RB1CC1: variants seen among roughly 807,000 people sequenced by gnomAD.
RB1CC1 encodes the protein RB1-inducible coiled-coil protein 1.
RB1CC1 carries 46 observed loss-of-function variants against 177.5 expected under a neutral mutation model. That is an observed-to-expected ratio of 0.26 (90% confidence interval 0.20 to 0.33). The LOEUF (loss-of-function observed/expected upper bound fraction) is 0.33, where lower values mean the gene tolerates loss of function less well. Ranked by LOEUF, RB1CC1 falls within the 10% of genes least tolerant of loss-of-function variation. The pLI is 1.00. For missense variants in RB1CC1, 1,703 were observed against 1,816.3 expected (o/e 0.94, Z 1.13); for synonymous variants, 666 against 613.6 (o/e 1.09, Z -1.26).
intron 1 of RB1CC1, among the ~76,000 whole-genome samples, chr8:52,712,568 CAT>C (rs1361971489): frequency 6.9e-6 from 1 of 144,678 alleles, no homozygotes; most frequent in Non-Finnish European, 1.5e-5. Flanking sequence ...CAATAACAAA[CAT>C]ATAAAGGATT....
rs772800210 is a variant in RB1CC1, at chr8:52,657,358, G to C, written c.2471C>G (p.Thr824Arg). ...TIKEDLCHFR[T>R]FVQKEQCDFS... ...GTCACACTGTTCTTTTTGTACAAAT[G>C]TTCTAAAGTGGCAAAGGTCTTCCTT... The change falls in exon 15 of 24, where the codon ACA (threonine) becomes AGA (arginine). Residue 824 changes from threonine to arginine, a missense_variant. Transcript: ENST00000025008. 5.6e-6 allele frequency: 9 copies of C among 1,613,922 alleles called. No individual in the cohort carries two copies. The highest frequency in any genetic ancestry group is 1.7e-4 in the Middle Eastern group (1 of 6,060).
intron 15 of RB1CC1, 36 bp from the exon 16 acceptor site, chr8:52,645,903 A>G (rs765777188): frequency 1.3e-6 from 2 of 1,544,526 alleles, no homozygotes; most frequent in Admixed American, 4.4e-5. Flanking sequence ...TTAAAAAAAA[A>G]ATTACAGACA....
chr8:52,634,971 G>C lies in RB1CC1; in HGVS notation c.4393-3C>G. 1 of 1,606,138 alleles carries C rather than the reference G, an allele frequency of 6.2e-7. No homozygotes were observed. Among genetic ancestry groups the C allele is most frequent in the Non-Finnish European group, 8.5e-7 (1 of 1,175,970 alleles). ...TCTTCTTCTTTCAATTGCAATGTCT[G>C]CAGGTGGAAAAAAGAGACCTGTGGT... is the stretch of plus-strand genomic sequence containing the variant. On this transcript the variant is annotated splice_region_variant and splice_polypyrimidine_tract_variant and intron_variant, in intron 19 of 23. Coordinates refer to ENST00000025008, the MANE Select transcript of RB1CC1 (RefSeq NM_014781.5).
At chr8:52,672,936 T>C (rs1373427709) in intron 7 of RB1CC1, among the ~76,000 whole-genome samples, 1 of 152,196 alleles carries the variant, frequency 6.6e-6, no homozygotes, top group Non-Finnish European at 1.5e-5. Flanking sequence ...AAACATGTCT[T>C]AATTGAAAGA....
chr8:52,661,789 G>C, intron 8 of RB1CC1, 70 bp from the exon 9 acceptor site: 1 of 1,201,722 alleles, frequency 8.3e-7, no homozygotes, highest in Non-Finnish European at 1.1e-6. Flanking sequence ...TCAGTTAAGT[G>C]GAAAATCTTT....
intron 19 of RB1CC1, 105 bp downstream of exon 19, chr8:52,635,910 A>T: frequency 7.2e-7 from 1 of 1,387,202 alleles, no homozygotes; most frequent in Non-Finnish European, 9.7e-7. Flanking sequence ...AAAAAGGCTT[A>T]ATTTATAAAC....
Position 52,668,158 on chromosome 8 carries a change from C to G in RB1CC1, c.1036G>C (p.Glu346Gln). ...DPRIIRPFIA[E>Q]CRQTIAKLDN... ...AGTTTGGCAATAGTTTGACGGCATT[C>G]TGCTATAAATGGTCGAATAATCCTT... is the stretch of plus-strand genomic sequence containing the variant. Residue 346 changes from glutamate (E) to glutamine (Q), a missense_variant, in exon 8 of 24, where the codon GAA becomes CAA. By Grantham distance (29) the Glu-to-Gln change is conservative. Around this residue, in one of 6 missense-constraint regions of RB1CC1, gnomAD observed 315 missense variants for 304.9 expected, o/e 1.03. Transcript: ENST00000025008. 6.2e-7 allele frequency: 1 copy of G among 1,613,946 alleles called. No individual in the cohort carries two copies. The highest frequency in any genetic ancestry group is 8.5e-7 in the Non-Finnish European group (1 of 1,179,968).
At chr8:52,625,138 A>C (rs1250247320) in intron 22 of RB1CC1, among the ~76,000 whole-genome samples, 1 of 152,180 alleles carries the variant, frequency 6.6e-6, no homozygotes. Flanking sequence ...AGAACTAATA[A>C]AGATGACCTT....
intron 18 of RB1CC1, among the ~76,000 whole-genome samples, chr8:52,639,106 A>C (rs1849371888): frequency 6.6e-6 from 1 of 151,932 alleles, no homozygotes; most frequent in Non-Finnish European, 1.5e-5. Context: ...TTAACCTAAC[A>C]TATTGTTAGA....
rs543728627 is a variant in RB1CC1 at position 52,695,011 on chromosome 8, C to T, written c.-166-8044G>A. On this transcript the variant is annotated intron_variant, in intron 1 of 23. Transcript: ENST00000025008. ...TAAATTAATAAGAAAATCACAAAGA[C>T]TCACAATAGATAAATAGGCAAAGGG... Among the ~76,000 whole-genome samples, 64 of 152,230 alleles carry T rather than the reference C, an allele frequency of 4.2e-4. 1 individual carries two copies. The highest frequency in any genetic ancestry group is 1.5e-3 in the African/African-American group (62 of 41,526).
At chr8:52,652,416 C>T (rs1437357037) in intron 15 of RB1CC1, among the ~76,000 whole-genome samples, 2 of 145,810 alleles carry the variant, frequency 1.4e-5, no homozygotes, top group South Asian at 2.2e-4. Context: ...GCCGTGATTG[C>T]GCCACTGCAC....
intron 18 of RB1CC1, among the ~76,000 whole-genome samples, chr8:52,636,636 T>A (rs957298373): frequency 1.3e-5 from 2 of 152,248 alleles, no homozygotes; most frequent in African/African-American, 4.8e-5. Context: ...TTCTGTCTTC[T>A]TCAACATGCT....
chr8:52,628,236 A>ATTAAG, intron 21 of RB1CC1, 68 bp from the exon 22 acceptor site: 2 of 1,415,720 alleles, frequency 1.4e-6, no homozygotes, highest in Non-Finnish European at 9.8e-7. Flanking sequence ...AAAACTTAGC[A>ATTAAG]TATATACTTA....
chr8:52,660,927 A>G lies in RB1CC1; in HGVS notation c.1626T>C (p.Phe542=), dbSNP rs1851565584. The G allele has an allele frequency of 1.2e-6, 2 of 1,603,194 alleles. No individual in the cohort carries two copies. The part of the protein sequence containing the change: ...KSKRESFGKL[F]RKSFLRNRLF... Reference sequence around the variant, plus strand: ...TTAAAATTATTAATGAACACTTACTAAATAATTTCCCAAAGGATTCCCTTT... The same window carrying G: ...TTAAAATTATTAATGAACACTTACTGAATAATTTCCCAAAGGATTCCCTTT... The change falls in exon 11 of 24, where the codon TTT becomes TTC. Residue 542 remains phenylalanine, a splice_region_variant and synonymous_variant. Transcript: ENST00000025008.
At chr8:52,672,335 G>GA (rs1271326693) in intron 7 of RB1CC1, among the ~76,000 whole-genome samples, 1 of 151,790 alleles carries the variant, frequency 6.6e-6, no homozygotes, top group African/African-American at 2.4e-5. Context: ...CATACAAATT[G>GA]AAAAAAACCT....
rs1311218470 is a variant in RB1CC1 at position 52,683,943 on chromosome 8, T to C, written c.142A>G (p.Asn48Asp). Residue 48 changes from asparagine (N) to aspartate (D), a missense_variant, in exon 4 of 24, where the codon AAT becomes GAT. Transcript: ENST00000025008. The stretch of plus-strand genomic sequence containing the variant: ...TCTGCAGCCATGCATTCTCCTCCAT[T>C]GACCACCAGCACCTGGTGTTGAATA... ...IAIQHQVLVVNGGECMAADRR... is the reference protein window; with the variant it reads ...IAIQHQVLVVDGGECMAADRR... 6.2e-7 allele frequency: 1 copy of C among 1,614,146 alleles called. No homozygotes were observed.
chr8:52,665,941 T>G (rs1428091018), intron 8 of RB1CC1, among the ~76,000 whole-genome samples: 1 of 152,196 alleles, frequency 6.6e-6, no homozygotes, highest in East Asian at 1.9e-4. Context: ...TGGAACAGTT[T>G]ATTTGCGTTC....
In RB1CC1 at chr8:52,683,673, T is replaced by A. The variant is rs770081494; in HGVS notation, c.245A>T (p.Asp82Val). The A allele has an allele frequency of 6.2e-7, 1 of 1,604,036 alleles. No homozygotes were observed. Among genetic ancestry groups the A allele is most frequent in the South Asian group, 1.1e-5 (1 of 88,346 alleles). ...AGTTTTAGGAATAGCAGGTGGACGATCACATAAGATCATTTCTTTGTTAAA... is the reference window on the plus strand; with the variant it reads ...AGTTTTAGGAATAGCAGGTGGACGAACACATAAGATCATTTCTTTGTTAAA... ...FLFNKEMILC[D>V]RPPAIPKTTF... Residue 82 changes from aspartate (D) to valine (V), a missense_variant, in exon 5 of 24, where the codon GAT (aspartate) becomes GTT (valine). Transcript: ENST00000025008.
chr8:52,680,071 T>G (rs1237211536), intron 5 of RB1CC1, among the ~76,000 whole-genome samples: 3 of 152,094 alleles, frequency 2.0e-5, no homozygotes, highest in Admixed American at 2.0e-4. Context: ...TATAGAGGAA[T>G]AATTCTATTC....
Sources: allele counts gnomAD v4.1 joint callset (sites outside exome capture counted in the v4.1 genomes callset), GRCh38; gene constraint gnomAD v4.1.1; regional missense constraint gnomAD v4.1.1; transcripts MANE v1.5; gene names NCBI Gene and HGNC (gene_info 2026-07-23, HGNC 2026-07-21).